The following ACTR3C variants were observed in gnomAD, a reference collection of about 807,000 sequenced individuals.
ACTR3C encodes the protein actin-related protein 3C.
In ACTR3C, 18 loss-of-function variants were observed where a neutral mutation model predicts 26.3. The observed-to-expected ratio is 0.68, with a 90% CI of 0.47 to 1.01. The LOEUF is 1.01. Ranked by LOEUF, ACTR3C falls within the 50% of genes least tolerant of loss-of-function variation. ACTR3C has a pLI of 0.00. For missense variants in ACTR3C, 184 were observed against 250.7 expected (o/e 0.73, Z 1.80); for synonymous variants, 55 against 94.5 (o/e 0.58, Z 2.42).
chr7:150,190,984 T>C, the ACTR3C span, among the ~76,000 whole-genome samples: 2 of 152,158 alleles, frequency 1.3e-5, no homozygotes, highest in African/African-American at 4.8e-5. Flanking sequence ...ACTGCCCCCA[T>C]GATTCAATTA....
At chr7:150,110,895 C>G in the ACTR3C span, among the ~76,000 whole-genome samples, 1 of 146,116 alleles carries the variant, frequency 6.8e-6, no homozygotes, top group East Asian at 2.0e-4. Flanking sequence ...CTGGCCACTG[C>G]GAGGCTGGCA....
chr7:150,043,363 C>T, the ACTR3C span, among the ~76,000 whole-genome samples: 1 of 151,616 alleles, frequency 6.6e-6, no homozygotes, highest in East Asian at 1.9e-4. Flanking sequence ...TCACAAGAGC[C>T]AGAGGGGGAA....
chr7:150,144,652 T>C, the ACTR3C span, among the ~76,000 whole-genome samples: 165 of 152,288 alleles, frequency 1.1e-3, 2 homozygotes, highest in East Asian at 0.013. This position sits in a 1 kb window ranked among gnomAD's most constrained non-coding sequence, Gnocchi z 4.6. Context: ...ATACCATCTC[T>C]ACAGTGTACA....
At chr7:150,083,737 C>T in the ACTR3C span, among the ~76,000 whole-genome samples, 5 of 152,212 alleles carry the variant, frequency 3.3e-5, no homozygotes, top group East Asian at 1.9e-4. Context: ...TATTATCTTT[C>T]CTTCATTGCT....
chr7:150,026,877 T>C, the ACTR3C span, among the ~76,000 whole-genome samples: 1 of 152,292 alleles, frequency 6.6e-6, no homozygotes, highest in African/African-American at 2.4e-5. Flanking sequence ...ACTTAAAATT[T>C]GTCAGGACCT....
chr7:150,083,253 G>T, the ACTR3C span, among the ~76,000 whole-genome samples: 1 of 151,450 alleles, frequency 6.6e-6, no homozygotes, highest in African/African-American at 2.4e-5. Flanking sequence ...GCCTCCTCTA[G>T]ATATTTTGAA....
At chr7:150,249,602 G>A (rs2373769) in intron 6 of ACTR3C, among the ~76,000 whole-genome samples, 42 of 151,902 alleles carry the variant, frequency 2.8e-4, no homozygotes, top group African/African-American at 7.0e-4. Flanking sequence ...TACAGGCGCC[G>A]GACACAACAC....
the ACTR3C span, among the ~76,000 whole-genome samples, chr7:150,106,325 C>T: frequency 1.3e-5 from 2 of 150,714 alleles, no homozygotes; most frequent in South Asian, 4.3e-4. Context: ...ACGTACTCCA[C>T]TACTCCTTGA....
the ACTR3C span, among the ~76,000 whole-genome samples, chr7:150,063,362 T>C: frequency 6.0e-4 from 91 of 151,630 alleles, 1 homozygote; most frequent in African/African-American, 1.9e-3. Context: ...TCTGTTAGAG[T>C]GCCAGGAGCA....
At chr7:150,266,643 G>A (rs1373438206) in intron 6 of ACTR3C, among the ~76,000 whole-genome samples, 1 of 151,926 alleles carries the variant, frequency 6.6e-6, no homozygotes, top group African/African-American at 2.4e-5. Context: ...ACAAGCCACA[G>A]ACTAGAAAAA....
chr7:149,914,526 C>T, the ACTR3C span, among the ~76,000 whole-genome samples: 48 of 151,546 alleles, frequency 3.2e-4, 1 homozygote, highest in South Asian at 9.4e-3. Flanking sequence ...CCTGGCGCCA[C>T]TGCACTCCAA....
At chr7:150,202,107 T>A in the ACTR3C span, among the ~76,000 whole-genome samples, 6 of 152,216 alleles carry the variant, frequency 3.9e-5, no homozygotes, top group African/African-American at 4.8e-5. Context: ...TAGGTCATTC[T>A]GCCTTTTCCA....
At chr7:150,242,745 G>A (rs1832258178), downstream of ACTR3C, among the ~76,000 whole-genome samples, 1 of 152,170 alleles carries the variant, frequency 6.6e-6, no homozygotes, top group Admixed American at 6.5e-5. Context: ...AGCCTAAAGA[G>A]TGATTTCCTT....
chr7:150,085,356 C>T, the ACTR3C span, among the ~76,000 whole-genome samples: 5 of 152,000 alleles, frequency 3.3e-5, no homozygotes, highest in Admixed American at 1.3e-4. Flanking sequence ...TGAGAGGTCA[C>T]GCGGGAAGAC....
the ACTR3C span, among the ~76,000 whole-genome samples, chr7:150,227,688 G>GTTTTTTTTTTTTTTTTTTTTTTTTTTTTT: frequency 9.0e-5 from 10 of 111,376 alleles, no homozygotes; most frequent in African/African-American, 2.7e-4. Flanking sequence ...TTGTGTCTGG[G>GTTTTTTTTTTTTTTTTTTTTTTTTTTTTT]TTTTTTTTTT....
At chr7:150,099,043 C>G in the ACTR3C span, among the ~76,000 whole-genome samples, 5 of 148,172 alleles carry the variant, frequency 3.4e-5, no homozygotes, top group Non-Finnish European at 4.5e-5. Context: ...TTACCTTGCT[C>G]CATGATGGCC....
the ACTR3C span, among the ~76,000 whole-genome samples, chr7:150,019,599 A>AAATAAAAATAATAATAAT: frequency 7.9e-3 from 868 of 109,780 alleles, 11 homozygotes; most frequent in African/African-American, 0.028. Context: ...TCAAAAATAA[A>AAATAAAAATAATAATAAT]AATAATAATA....
At chr7:150,087,385 G>A in the ACTR3C span, among the ~76,000 whole-genome samples, 1 of 152,174 alleles carries the variant, frequency 6.6e-6, no homozygotes, top group Admixed American at 6.5e-5. Context: ...ATAGAGTCAT[G>A]AGTAACCAGG....
the ACTR3C span, among the ~76,000 whole-genome samples, chr7:149,975,004 G>A: frequency 7.2e-5 from 11 of 152,128 alleles, no homozygotes; most frequent in African/African-American, 2.4e-4. Flanking sequence ...TTGTGGACAC[G>A]ACACTGGCAT....
Sources: allele counts gnomAD v4.1 joint callset (sites outside exome capture counted in the v4.1 genomes callset), GRCh38; gene constraint gnomAD v4.1.1; non-coding constraint Gnocchi (gnomAD v3.1); transcripts MANE v1.5; gene names NCBI Gene and HGNC (gene_info 2026-07-23, HGNC 2026-07-21).